The following LSAMP variants were observed in gnomAD, a reference collection of about 807,000 sequenced individuals.
The protein encoded by LSAMP is limbic system associated membrane protein, also known as limbic system-associated membrane protein.
Under a neutral mutation model 38.6 loss-of-function variants are expected in LSAMP, and 7 were observed. That is an observed-to-expected ratio of 0.18 (90% confidence interval 0.10 to 0.34). The LOEUF is 0.34. Among genes scored for constraint, LSAMP ranks in the 10% least tolerant of loss-of-function variants. LSAMP has a pLI of 1.00. For missense variants in LSAMP, 313 were observed against 420.0 expected, an observed-to-expected ratio of 0.75 and a Z score of 2.23; for synonymous variants, 154 against 166.8, an observed-to-expected ratio of 0.92 and a Z score of 0.59.
At chr3:115,839,315 T>TTCCTTCCC (rs1934919796) in intron 6 of LSAMP, among the ~76,000 whole-genome samples, 1 of 138,838 alleles carries the variant, frequency 7.2e-6, no homozygotes, top group Non-Finnish European at 1.6e-5. Context: ...CCTTCCTTCC[T>TTCCTTCCC]TCCTTTTTTC....
At chr3:116,206,108 A>G (rs1283939283) in intron 1 of LSAMP, among the ~76,000 whole-genome samples, 8 of 150,936 alleles carry the variant, frequency 5.3e-5, no homozygotes, top group Admixed American at 5.3e-4. Context: ...TCAGAGATTC[A>G]ACTTCTTCCT....
At chr3:116,214,245 T>A (rs1244664374) in intron 1 of LSAMP, among the ~76,000 whole-genome samples, 1 of 152,216 alleles carries the variant, frequency 6.6e-6, no homozygotes, top group Admixed American at 6.5e-5. Context: ...TTGTTTACTT[T>A]CTAAAAAGGC....
At chr3:116,296,600 C>G (rs1004011736) in intron 1 of LSAMP, among the ~76,000 whole-genome samples, 11 of 145,290 alleles carry the variant, frequency 7.6e-5, no homozygotes, top group African/African-American at 1.8e-4. Context: ...GAGGCTGAGG[C>G]CAGAGAATGG....
In LSAMP at chr3:115,929,953, A is replaced by T. The variant is rs1158849453; in HGVS notation, c.515-77336T>A. Among the ~76,000 whole-genome samples the T allele has an allele frequency of 2.6e-5, 4 of 151,014 alleles. No homozygotes were observed. In the East Asian group the frequency reaches 7.8e-4, roughly 29 times the overall value. On this transcript the variant is annotated intron_variant, in intron 3 of 6. Coordinates refer to ENST00000490035, the MANE Select transcript of LSAMP (RefSeq NM_002338.5). ...GAAGAGACAGTGACTGACAGATAAT[A>T]GATACATACAATAAATGTTTATTAT... is the stretch of plus-strand genomic sequence containing the variant.
At chr3:115,854,550 A>C (rs1935449150) in intron 3 of LSAMP, among the ~76,000 whole-genome samples, 1 of 152,022 alleles carries the variant, frequency 6.6e-6, no homozygotes, top group African/African-American at 2.4e-5. Context: ...TCCTGTCTAC[A>C]TTTTTCTCTT....
chr3:116,213,789 T>G (rs2046189418), intron 1 of LSAMP, among the ~76,000 whole-genome samples: 1 of 152,270 alleles, frequency 6.6e-6, no homozygotes, highest in Non-Finnish European at 1.5e-5. Flanking sequence ...CTATGCTAAG[T>G]GAAATAAGCC....
intron 1 of LSAMP, among the ~76,000 whole-genome samples, chr3:116,431,886 A>G (rs953627604): frequency 1.3e-5 from 2 of 152,026 alleles, no homozygotes; most frequent in African/African-American, 4.8e-5. Context: ...TTATATTTTT[A>G]AAAAATACAG....
At chr3:115,929,161 G>T (rs750888113) in intron 3 of LSAMP, among the ~76,000 whole-genome samples, 12 of 151,762 alleles carry the variant, frequency 7.9e-5, no homozygotes, top group Non-Finnish European at 1.8e-4. Flanking sequence ...AAATGCAATT[G>T]ATTAACTCTG....
At position 116,099,520 on chromosome 3, in the gene LSAMP, A is replaced by T. The variant is rs180678104; in HGVS notation, c.156-12964T>A. On this transcript the variant is annotated intron_variant, in intron 1 of 6. Coordinates refer to ENST00000490035, the MANE Select transcript of LSAMP (RefSeq NM_002338.5). ...AATCTTAATATTCTGCAGGAAACTG[A>T]CCTGACTACCAGCAGGAATTATATT... Among the ~76,000 whole-genome samples, 346 of 152,262 alleles carry T rather than the reference A, an allele frequency of 2.3e-3. 1 individual carries two copies. The highest frequency in any genetic ancestry group is 7.8e-3 in the African/African-American group (325 of 41,534).
At chr3:116,140,961 G>C (rs1408986533) in intron 1 of LSAMP, among the ~76,000 whole-genome samples, 1 of 151,834 alleles carries the variant, frequency 6.6e-6, no homozygotes, top group African/African-American at 2.4e-5. Context: ...TTGACTAAAA[G>C]GGACTTATAA....
intron 2 of LSAMP, among the ~76,000 whole-genome samples, chr3:116,053,996 CAT>C (rs1941442991): frequency 6.6e-6 from 1 of 152,136 alleles, no homozygotes; most frequent in Non-Finnish European, 1.5e-5. Context: ...GCAGCTCAAA[CAT>C]ATTATCTTAC....
In LSAMP at chr3:115,818,790, TTATATATATATATA is replaced by T. The variant is rs66654115; in HGVS notation, c.920-8390_920-8377del. Among the ~76,000 whole-genome samples the T allele has an allele frequency of 6.4e-4, 45 of 69,788 alleles. 2 individuals are homozygous for T. Among genetic ancestry groups the T allele is most frequent in the East Asian group, 2.0e-3 (2 of 1,010 alleles). 45.8% of individuals were successfully genotyped at this position (69,788 alleles called of 152,430 possible). On this transcript the variant is annotated intron_variant, in intron 6 of 6. Coordinates refer to ENST00000490035, the MANE Select transcript of LSAMP (RefSeq NM_002338.5). ...ATAAGAAAGAAGGAAAGTTGTACTT[TTATATATATATATA>T]TATATATATATATATATAACTGCAG...
intron 1 of LSAMP, among the ~76,000 whole-genome samples, chr3:116,372,635 A>G (rs1251353753): frequency 1.3e-5 from 2 of 151,936 alleles, no homozygotes; most frequent in Non-Finnish European, 2.9e-5. Flanking sequence ...AATACACAGA[A>G]TGTTAGAAAA....
At chr3:115,940,198 G>C (rs1170029612) in intron 3 of LSAMP, among the ~76,000 whole-genome samples, 1 of 152,138 alleles carries the variant, frequency 6.6e-6, no homozygotes, top group Admixed American at 6.5e-5. Context: ...GAGTAAGCAA[G>C]ATTTATTGTG....
At chr3:116,406,645 T>C (rs1478207096) in intron 1 of LSAMP, among the ~76,000 whole-genome samples, 3 of 152,066 alleles carry the variant, frequency 2.0e-5, no homozygotes, top group African/African-American at 7.2e-5. Flanking sequence ...GCTATTGCAA[T>C]AGAGAGAAAA....
At chr3:116,076,667 T>A (rs1032881712) in intron 2 of LSAMP, among the ~76,000 whole-genome samples, 2 of 152,168 alleles carry the variant, frequency 1.3e-5, no homozygotes. Context: ...TTTAGATACA[T>A]AAAAAATTCA....
intron 1 of LSAMP, among the ~76,000 whole-genome samples, chr3:116,280,190 T>C (rs989044560): frequency 6.6e-6 from 1 of 152,184 alleles, no homozygotes; most frequent in Admixed American, 6.5e-5. Flanking sequence ...CATAACAACT[T>C]TTTAATCTTC....
At chr3:116,094,164 T>G (rs896305768) in intron 1 of LSAMP, among the ~76,000 whole-genome samples, 1 of 152,244 alleles carries the variant, frequency 6.6e-6, no homozygotes, top group African/African-American at 2.4e-5. Flanking sequence ...TCAATCATTT[T>G]GAAGCATCTT....
intron 3 of LSAMP, among the ~76,000 whole-genome samples, chr3:115,993,268 A>G (rs1939723301): frequency 6.6e-6 from 1 of 152,064 alleles, no homozygotes; most frequent in Non-Finnish European, 1.5e-5. Context: ...GCTCAGTGCC[A>G]CTGTAAAATC....
Sources: gnomAD v4.1 joint callset for allele counts (sites outside exome capture counted in the v4.1 genomes callset) on GRCh38, gnomAD v4.1.1 for gene constraint, MANE v1.5 for transcripts, NCBI Gene and HGNC (gene_info 2026-07-23, HGNC 2026-07-21) for gene names.